YTHDF2: variants seen among roughly 807,000 people sequenced by gnomAD.
YTHDF2 encodes YTH domain-containing family protein 2.
A neutral mutation model predicts 50.4 loss-of-function variants in YTHDF2; 2 were observed. That is an observed-to-expected ratio of 0.04 (90% CI 0.02 to 0.12). The LOEUF (loss-of-function observed/expected upper bound fraction) is 0.12, where lower values mean the gene tolerates loss of function less well. Among genes scored for constraint, YTHDF2 ranks in the 10% least tolerant of loss-of-function variants. The probability of loss-of-function intolerance (pLI) is 1.00; values close to 1 mark genes in which losing one functional copy is unlikely to be tolerated. For missense variants in YTHDF2, 483 were observed against 722.6 expected, an observed-to-expected ratio of 0.67 and a Z score of 3.80; for synonymous variants, 217 against 255.6, an observed-to-expected ratio of 0.85 and a Z score of 1.44.
In YTHDF2 at chr1:28,737,695, C is replaced by A. The variant is rs751449243; in HGVS notation, c.52+13C>A. The A allele has an allele frequency of 1.2e-6, 2 of 1,613,476 alleles. No individual in the cohort carries two copies. The highest frequency in any genetic ancestry group is 1.7e-6 in the Non-Finnish European group (2 of 1,179,796). ...CAAGGAAACAAAGGTAAGTCCCGCTCCGCCGGTGGCCCTGAGCCGGGAGGG... is the reference window on the plus strand; with the variant it reads ...CAAGGAAACAAAGGTAAGTCCCGCTACGCCGGTGGCCCTGAGCCGGGAGGG... On this transcript the variant is annotated intron_variant, in intron 2 of 4. Transcript: ENST00000373812.
chr1:28,744,310 C>T (rs1375280784), intron 4 of YTHDF2, among the ~76,000 whole-genome samples: 1 of 152,060 alleles, frequency 6.6e-6, no homozygotes, highest in Non-Finnish European at 1.5e-5. Context: ...GTGATAAAAC[C>T]ATAGAAATTA....
chr1:28,752,895 A>T (rs1333069653), intron 4 of YTHDF2, among the ~76,000 whole-genome samples: 1 of 151,834 alleles, frequency 6.6e-6, no homozygotes, highest in African/African-American at 2.4e-5. Flanking sequence ...ATTTAAAAAA[A>T]ATTAACCAGA....
At chr1:28,740,134 A>C (rs1367426107) in intron 3 of YTHDF2, among the ~76,000 whole-genome samples, 1 of 152,232 alleles carries the variant, frequency 6.6e-6, no homozygotes, top group African/African-American at 2.4e-5. Flanking sequence ...ACAAAACACA[A>C]CCAGTTAATC....
At chr1:28,759,236 G>A (rs1389098066) in intron 4 of YTHDF2, among the ~76,000 whole-genome samples, 2 of 152,106 alleles carry the variant, frequency 1.3e-5, no homozygotes, top group Non-Finnish European at 2.9e-5. Context: ...GGATTTTGTG[G>A]TCTTGATAAT....
rs2087698050 is a variant in YTHDF2, at chr1:28,737,014, G to A, written c.-107G>A. 8 of 1,430,900 alleles carry A rather than the reference G, an allele frequency of 5.6e-6. No homozygotes were observed. The highest frequency in any genetic ancestry group is 7.6e-6 in the Non-Finnish European group (8 of 1,053,638). The allele number at this position is 1,430,900 out of a possible 1,614,324, so 88.6% of individuals were successfully genotyped here. ...GCTGCGTCCGCCGAGGCCCCCGAGT[G>A]TCAGGGACAAAAGCCTCCGCCTGCT... On this transcript the variant is annotated 5_prime_UTR_variant, in exon 1 of 5. Coordinates refer to ENST00000373812, the MANE Select transcript of YTHDF2 (RefSeq NM_016258.3).
chr1:28,744,098 C>T, intron 4 of YTHDF2, 112 bp downstream of exon 4: 1 of 839,510 alleles, frequency 1.2e-6, no homozygotes, highest in South Asian at 3.9e-5. Flanking sequence ...TACAGTATCA[C>T]CTAACAGTTC....
intron 4 of YTHDF2, among the ~76,000 whole-genome samples, chr1:28,759,205 T>A (rs959194006): frequency 1.1e-4 from 17 of 152,274 alleles, no homozygotes; most frequent in African/African-American, 4.1e-4. Context: ...ATAAAGTTGA[T>A]ATTGGTAGAG....
At chr1:28,745,073 C>G (rs1009260987) in intron 4 of YTHDF2, among the ~76,000 whole-genome samples, 1 of 152,028 alleles carries the variant, frequency 6.6e-6, no homozygotes, top group African/African-American at 2.4e-5. Context: ...TGATTAATCT[C>G]AAATATAAAA....
chr1:28,740,015 G>A (rs1431999429), intron 3 of YTHDF2, among the ~76,000 whole-genome samples: 1 of 152,186 alleles, frequency 6.6e-6, no homozygotes, highest in Non-Finnish European at 1.5e-5. Flanking sequence ...ATAACTGCAT[G>A]CCCATATATG....
rs1157396079 is a variant in YTHDF2 at position 28,742,976 on chromosome 1, C to G, written c.706C>G (p.Pro236Ala). Residue 236 changes from proline to alanine, a missense_variant, in exon 4 of 5, where the codon CCA becomes GCA. Transcript: ENST00000373812. ...LPPATIAPPK[P>A]ASWADIASKP... ...TCCAGCCACCATTGCTCCTCCAAAA[C>G]CAGCATCTTGGGCTGATATTGCTAG... 6.2e-6 allele frequency: 10 copies of G among 1,614,200 alleles called. No individual in the cohort carries two copies. In the South Asian group the frequency reaches 1.1e-4, roughly 18 times the overall value.
At chr1:28,755,433 ATTC>A (rs779129382) in intron 4 of YTHDF2, among the ~76,000 whole-genome samples, 22 of 152,222 alleles carry the variant, frequency 1.4e-4, no homozygotes, top group Admixed American at 6.5e-4. Flanking sequence ...TGTTCATTTA[ATTC>A]TTGTATCCTT....
intron 4 of YTHDF2, among the ~76,000 whole-genome samples, chr1:28,751,226 C>A (rs923344745): frequency 6.6e-6 from 1 of 151,960 alleles, no homozygotes; most frequent in Non-Finnish European, 1.5e-5. Context: ...CCACTGCACT[C>A]CAGCCTGGGT....
At chr1:28,747,300 G>T (rs1037821221) in intron 4 of YTHDF2, among the ~76,000 whole-genome samples, 2 of 150,878 alleles carry the variant, frequency 1.3e-5, no homozygotes, top group Non-Finnish European at 3.0e-5. Flanking sequence ...TGCCCAGCGC[G>T]GTGGCTCATG....
At position 28,755,038 on chromosome 1, in the gene YTHDF2, A is replaced by G. The variant is rs2318772; in HGVS notation, c.1716+11052A>G. Among the ~76,000 whole-genome samples the G allele has an allele frequency of 1.0e-2, 1,510 of 151,472 alleles. 21 individuals carry two copies. The highest frequency in any genetic ancestry group is 0.034 in the African/African-American group (1,421 of 41,254). The stretch of plus-strand genomic sequence containing the variant: ...GAGATGCTTTTACAGTATTCTGGGG[A>G]AAAAAAGATGATGAGGGCCTGAACC... On this transcript the variant is annotated intron_variant, in intron 4 of 4. Coordinates refer to ENST00000373812, the MANE Select transcript of YTHDF2 (RefSeq NM_016258.3).
chr1:28,749,483 G>A (rs2087916140), intron 4 of YTHDF2, among the ~76,000 whole-genome samples: 1 of 152,042 alleles, frequency 6.6e-6, no homozygotes. Context: ...ACACCCAGCC[G>A]TGTTTCTCTT....
intron 4 of YTHDF2, among the ~76,000 whole-genome samples, chr1:28,760,148 ATACCTCCT>A (rs1251391187): frequency 6.6e-6 from 1 of 152,190 alleles, no homozygotes; most frequent in African/African-American, 2.4e-5. Flanking sequence ...TTCTTCTGGA[ATACCTCCT>A]GAAGGACCTA....
chr1:28,760,171 A>T (rs2088097613), intron 4 of YTHDF2, among the ~76,000 whole-genome samples: 1 of 152,156 alleles, frequency 6.6e-6, no homozygotes, highest in Non-Finnish European at 1.5e-5. Context: ...GACCTATCAG[A>T]GGCAGTTTTA....
intron 3 of YTHDF2, chr1:28,740,497 A>C (rs1304276717): frequency 6.6e-6 from 1 of 152,204 alleles, no homozygotes; most frequent in East Asian, 1.9e-4. Context: ...AATCTAGTTC[A>C]TTGTCTAGAG....
intron 4 of YTHDF2, among the ~76,000 whole-genome samples, chr1:28,757,687 A>G (rs1029412988): frequency 2.6e-5 from 4 of 152,198 alleles, no homozygotes; most frequent in African/African-American, 7.2e-5. Flanking sequence ...CAAGTTTTGC[A>G]TTTGTTTTTA....
Sources: allele counts gnomAD v4.1 joint callset (sites outside exome capture counted in the v4.1 genomes callset), GRCh38; gene constraint gnomAD v4.1.1; transcripts MANE v1.5; gene names NCBI Gene and HGNC (gene_info 2026-07-23, HGNC 2026-07-21).